Variants in FBXL8 observed in about 807,000 individuals in gnomAD.
FBXL8 encodes F-box/LRR-repeat protein 8.
Under a neutral mutation model 8.2 loss-of-function variants are expected in FBXL8, and 13 were observed. The observed-to-expected ratio is 1.58, with a 90% CI of 1.03 to 2.51. FBXL8 has a LOEUF of 2.51. FBXL8 is among the 30% of genes most tolerant of loss of function. FBXL8 has a pLI of 0.00. For missense variants in FBXL8, 565 were observed against 540.4 expected (o/e 1.05, Z -0.45); for synonymous variants, 271 against 260.5 (o/e 1.04, Z -0.39).
chr16:67,161,736 C>A lies in FBXL8; in HGVS notation c.-50C>A. On this transcript the variant is annotated splice_region_variant and 5_prime_UTR_variant, in exon 2 of 3. Transcript: ENST00000258200. ...TCAGAGACGTCCGTCTCTCTCCAGG[C>A]CGGAGCTATTGGGAGTGGCGGATCC... 1.3e-6 allele frequency: 2 copies of A among 1,519,910 alleles called. No homozygotes were observed. The highest frequency in any genetic ancestry group is 1.8e-6 in the Non-Finnish European group (2 of 1,129,040). 94.2% of individuals were successfully genotyped at this position (1,519,910 alleles called of 1,614,324 possible). A position where few individuals can be genotyped will look rare whatever the true frequency, so the allele number is the denominator to read the frequency against.
chr16:67,162,737 G>A (rs1032039300), intron 2 of FBXL8, 111 bp from the exon 3 acceptor site: 8 of 1,425,798 alleles, frequency 5.6e-6, no homozygotes, highest in Non-Finnish European at 7.7e-6. Context: ...ACGTGGGGAG[G>A]GAGGCAGGAA....
intron 1 of FBXL8, among the ~76,000 whole-genome samples, chr16:67,161,441 C>CA (rs1305096248): frequency 3.6e-4 from 36 of 100,550 alleles, no homozygotes; most frequent in Non-Finnish European, 5.8e-4. Context: ...GACCCTGTCT[C>CA]AAAAAAAAAG....
At chr16:67,161,451 GA>G (rs59873315) in intron 1 of FBXL8, among the ~76,000 whole-genome samples, 15,824 of 105,532 alleles carry the variant, frequency 0.15, 1,313 homozygotes, top group African/African-American at 0.3. Flanking sequence ...CAAAAAAAAA[GA>G]AAAAAAAAAA....
chr16:67,163,091 G>T lies in FBXL8; in HGVS notation c.396G>T (p.Gly132=). Residue 132 remains glycine (G), a synonymous_variant, in exon 3 of 3, where the codon GGG becomes GGT. Coordinates refer to ENST00000258200, the MANE Select transcript of FBXL8 (RefSeq NM_018378.3). The part of the protein sequence containing the change: ...DVLEAVHAVC[G]AASQLRHLDL... ...TGGAGGCTGTGCACGCTGTATGCGG[G>T]GCGGCCAGCCAGCTACGCCACCTCG... is the stretch of plus-strand genomic sequence containing the variant. The T allele has an allele frequency of 6.3e-7, 1 of 1,582,178 alleles. No homozygotes were observed.
At chr16:67,160,364 T>C (rs1312180571) in intron 1 of FBXL8, 1 of 152,194 alleles carries the variant, frequency 6.6e-6, no homozygotes, top group Non-Finnish European at 1.5e-5. Flanking sequence ...TATGGGAACA[T>C]TAACTGGCGA....
Position 67,163,104 on chromosome 16 carries a change from C to A in FBXL8, c.409C>A (p.Leu137Ile), listed in dbSNP as rs1567666006. ...VHAVCGAASQ[L>I]RHLDLRRLSF... ...CGCTGTATGCGGGGCGGCCAGCCAGCTACGCCACCTCGACCTGCGGCGCTT... is the reference window on the plus strand; with the variant it reads ...CGCTGTATGCGGGGCGGCCAGCCAGATACGCCACCTCGACCTGCGGCGCTT... The change falls in exon 3 of 3, where the codon CTA becomes ATA. Residue 137 changes from leucine (L) to isoleucine (I), a missense_variant. Leu to Ile is a conservative substitution (Grantham distance 5, BLOSUM62 2). Transcript: ENST00000258200. 8.9e-6 allele frequency: 14 copies of A among 1,581,538 alleles called. No homozygotes were observed. The highest frequency in any genetic ancestry group is 1.1e-5 in the Non-Finnish European group (13 of 1,164,534).
At chr16:67,162,659 C>A in intron 2 of FBXL8, 189 bp from the exon 3 acceptor site, 1 of 808,808 alleles carries the variant, frequency 1.2e-6, no homozygotes, top group Non-Finnish European at 2.1e-6. Context: ...GCAGACGCCA[C>A]TGAAATCTTC....
intron 1 of FBXL8, 133 bp from the exon 2 acceptor site, chr16:67,161,602 C>A (rs980873535): frequency 4.9e-6 from 3 of 607,830 alleles, no homozygotes; most frequent in Non-Finnish European, 7.9e-6. Context: ...GAACAAGTTT[C>A]GGGGTTATCT....
rs1161647710 is a variant in FBXL8, at chr16:67,163,690, A to C, written c.995A>C (p.Glu332Ala). Residue 332 changes from glutamate (E) to alanine (A), a missense_variant, in exon 3 of 3, where the codon GAG becomes GCG. By Grantham distance (107) the Glu-to-Ala change is moderately radical. Transcript: ENST00000258200. ...ELAARCAALR[E>A]VHCFCVVSHS... ...GCGGCGCGCTGCGCGGCCCTGCGCG[A>C]GGTGCATTGTTTCTGCGTGGTGAGC... is the stretch of plus-strand genomic sequence containing the variant. The C allele has an allele frequency of 1.3e-6, 2 of 1,589,504 alleles. No homozygotes were observed. Among genetic ancestry groups the C allele is most frequent in the Admixed American group, 1.7e-5 (1 of 58,866 alleles).
chr16:67,163,753 G>C lies in FBXL8; in HGVS notation c.1058G>C (p.Arg353Pro). ...VLDAFRAHCPRLRTYTLKLTR... is the reference protein window; with the variant it reads ...VLDAFRAHCPPLRTYTLKLTR... ...GACGCCTTCCGCGCGCACTGCCCGC[G>C]CCTGCGCACCTATACCCTCAAGCTC... Residue 353 changes from arginine (R) to proline (P), a missense_variant, in exon 3 of 3, where the codon CGC becomes CCC. Arg to Pro is a moderately radical substitution (Grantham distance 103). Coordinates refer to ENST00000258200, the MANE Select transcript of FBXL8 (RefSeq NM_018378.3). 2 of 1,593,040 alleles carry C rather than the reference G, an allele frequency of 1.3e-6. No homozygotes were observed. Among genetic ancestry groups the C allele is most frequent in the Non-Finnish European group, 1.7e-6 (2 of 1,177,522 alleles).
At chr16:67,162,302 T>C (rs573461500) in intron 2 of FBXL8, 22 of 438,398 alleles carry the variant, frequency 5.0e-5, no homozygotes, top group African/African-American at 4.1e-4. Flanking sequence ...GCACTCCAGC[T>C]TGGCGACAGA....
chr16:67,161,610 TC>T (rs1300611245), intron 1 of FBXL8, 124 bp from the exon 2 acceptor site: 1 of 667,552 alleles, frequency 1.5e-6, no homozygotes, highest in Non-Finnish European at 2.3e-6. Context: ...TTCGGGGTTA[TC>T]TGATGCCCCA....
In FBXL8 at chr16:67,162,868, G is replaced by C; in HGVS notation, c.173G>C (p.Gly58Ala). Reference protein sequence around the residue: ...TKISCECELEGMLPPYLSACL... With the variant: ...TKISCECELEAMLPPYLSACL... Reference sequence around the variant, plus strand: ...CCAAGTTGCGAATGTGAGCTGGAAGGCATGCTGCCACCTTATCTGTCCGCC... The same window carrying C: ...CCAAGTTGCGAATGTGAGCTGGAAGCCATGCTGCCACCTTATCTGTCCGCC... Residue 58 changes from glycine to alanine, a missense_variant, in exon 3 of 3, where the codon GGC (glycine) becomes GCC (alanine). By Grantham distance (60) the Gly-to-Ala change is moderately conservative. Transcript: ENST00000258200. 1 of 1,551,470 alleles carries C rather than the reference G, an allele frequency of 6.4e-7. No homozygotes were observed. The highest frequency in any genetic ancestry group is 8.7e-7 in the Non-Finnish European group (1 of 1,147,078).
intron 1 of FBXL8, among the ~76,000 whole-genome samples, chr16:67,160,921 C>T (rs994896351): frequency 6.6e-6 from 1 of 152,118 alleles, no homozygotes; most frequent in Non-Finnish European, 1.5e-5. Flanking sequence ...GTCCCAGAGA[C>T]CCAAGTTTTT....
At chr16:67,160,259 T>G (rs899051697) in intron 1 of FBXL8, 3 of 151,970 alleles carry the variant, frequency 2.0e-5, no homozygotes, top group African/African-American at 7.3e-5. Context: ...CAAAACGGGG[T>G]GCCCATGGGT....
Position 67,162,806 on chromosome 16 carries a change from A to C in FBXL8, c.153-42A>C, listed in dbSNP as rs755535565. The stretch of plus-strand genomic sequence containing the variant: ...GGGTAGAGGCTTCTCCGCTGGTCGC[A>C]GGGACTCAGCTGAGGCCTTTTCTGC... On this transcript the variant is annotated intron_variant, in intron 2 of 2. Coordinates refer to ENST00000258200, the MANE Select transcript of FBXL8 (RefSeq NM_018378.3). 10 of 1,548,566 alleles carry C rather than the reference A, an allele frequency of 6.5e-6. No homozygotes were observed. The East Asian group carries it at 1.7e-4, about 27-fold the overall frequency.
At chr16:67,161,207 C>G in intron 1 of FBXL8, 1 of 175,498 alleles carries the variant, frequency 5.7e-6, no homozygotes, top group Non-Finnish European at 1.2e-5. Context: ...TTGGGAGGCC[C>G]AGGCGGGCCG....
At chr16:67,161,245 AGTCTGGGCAACAAAGCGAGACCTC>A (rs1450286900) in intron 1 of FBXL8, 1 of 170,230 alleles carries the variant, frequency 5.9e-6, no homozygotes, top group Non-Finnish European at 1.3e-5. Flanking sequence ...GTTCGAGGTC[AGTCTGGGCAACAAAGCGAGACCTC>A]GTCTCTGCAA....
chr16:67,163,933 C>T lies in FBXL8; in HGVS notation c.*113C>T. On this transcript the variant is annotated 3_prime_UTR_variant, in exon 3 of 3. Coordinates refer to ENST00000258200, the MANE Select transcript of FBXL8 (RefSeq NM_018378.3). ...GCCTTCTTTTGGGATTGTTGCCCCC[C>T]GGGTCTTTACCGAGTTGGGAACTGT... The T allele has an allele frequency of 2.7e-6, 4 of 1,462,598 alleles. No homozygotes were observed. The South Asian group carries it at 3.7e-5, about 14-fold the overall frequency. The allele number at this position is 1,462,598 out of a possible 1,614,324, so 90.6% of individuals were successfully genotyped here.
Sources: gnomAD v4.1 joint callset for allele counts (sites outside exome capture counted in the v4.1 genomes callset) on GRCh38, gnomAD v4.1.1 for gene constraint, MANE v1.5 for transcripts, NCBI Gene and HGNC (gene_info 2026-07-23, HGNC 2026-07-21) for gene names.